MKLN1: variants seen among roughly 807,000 people sequenced by gnomAD.
The protein encoded by MKLN1 is muskelin.
Under a neutral mutation model 99.0 loss-of-function variants are expected in MKLN1, and 18 were observed. The observed-to-expected ratio is 0.18, with a 90% CI of 0.13 to 0.27. The LOEUF is 0.27. MKLN1 is among the 10% of genes least tolerant of loss of function. The probability of loss-of-function intolerance (pLI) is 1.00; values close to 1 mark genes in which losing one functional copy is unlikely to be tolerated. For missense variants in MKLN1, 621 were observed against 875.9 expected (o/e 0.71, Z 3.67); for synonymous variants, 288 against 293.2 (o/e 0.98, Z 0.18).
chr7:131,118,562 AAAAAG>A (rs1002609245), intron 1 of MKLN1, among the ~76,000 whole-genome samples: 12 of 152,180 alleles, frequency 7.9e-5, no homozygotes, highest in African/African-American at 1.7e-4. Flanking sequence ...TCAAAAAAAA[AAAAAG>A]AAAGAAAGAA....
chr7:131,328,612 A>G (rs186461165), intron 1 of MKLN1, among the ~76,000 whole-genome samples: 1 of 152,284 alleles, frequency 6.6e-6, no homozygotes, highest in African/African-American at 2.4e-5. Context: ...AAGTTCTGAA[A>G]AAGATAGGGA....
intron 1 of MKLN1, among the ~76,000 whole-genome samples, chr7:131,355,312 G>C (rs1438173134): frequency 2.6e-5 from 4 of 151,874 alleles, no homozygotes; most frequent in Admixed American, 2.6e-4. Context: ...TTTGTTGTAT[G>C]GTCATAGGGA....
At position 131,414,660 on chromosome 7, in the gene MKLN1, A is replaced by T. The variant is rs150896324; in HGVS notation, c.797A>T (p.Asn266Ile). 6.7e-5 allele frequency: 108 copies of T among 1,608,884 alleles called. 1 individual carries two copies. In the African/African-American group the frequency reaches 1.4e-3, roughly 20 times the overall value. ...TCTTCTAAAGGTGATGGGGAAGATA[A>T]CCGTCCAGGAATGAGAGGAGGCCAT... ...PKSTKGDGEDNRPGMRGGHQM... is the reference protein window; with the variant it reads ...PKSTKGDGEDIRPGMRGGHQM... The change falls in exon 8 of 18, where the codon AAC (asparagine) becomes ATC (isoleucine). Residue 266 changes from asparagine to isoleucine, a missense_variant. Asn to Ile is a moderately radical substitution (Grantham distance 149). Coordinates refer to ENST00000352689, the MANE Select transcript of MKLN1 (RefSeq NM_013255.5).
chr7:131,427,968 A>G (rs770443001), intron 8 of MKLN1, among the ~76,000 whole-genome samples: 13 of 152,016 alleles, frequency 8.6e-5, no homozygotes, highest in Admixed American at 4.6e-4. Context: ...GTTCAATACC[A>G]TCCTGGACAA....
intron 3 of MKLN1, among the ~76,000 whole-genome samples, chr7:131,277,216 A>G (rs1206882495): frequency 6.6e-6 from 1 of 152,188 alleles, no homozygotes; most frequent in Non-Finnish European, 1.5e-5. Context: ...TAGAAGAAAG[A>G]AAACCTAATG....
chr7:131,345,438 C>T (rs1265077306), intron 1 of MKLN1, among the ~76,000 whole-genome samples: 1 of 152,200 alleles, frequency 6.6e-6, no homozygotes, highest in Non-Finnish European at 1.5e-5. Flanking sequence ...GATTCTCAAA[C>T]TGTAGTAACA....
At chr7:131,225,911 A>G (rs1417806390) in intron 3 of MKLN1, among the ~76,000 whole-genome samples, 30 of 152,192 alleles carry the variant, frequency 2.0e-4, no homozygotes, top group Admixed American at 2.0e-3. Context: ...GAGGAGCTAG[A>G]GCAGTCAGCT....
At chr7:131,215,671 G>T (rs1203239426) in intron 3 of MKLN1, among the ~76,000 whole-genome samples, 3 of 152,176 alleles carry the variant, frequency 2.0e-5, no homozygotes, top group African/African-American at 7.2e-5. Context: ...CAGATAGTCT[G>T]TATGATATTC....
intron 2 of MKLN1, among the ~76,000 whole-genome samples, chr7:131,185,825 A>C (rs922876225): frequency 6.6e-6 from 1 of 152,138 alleles, no homozygotes; most frequent in African/African-American, 2.4e-5. Context: ...AGATGTAAAG[A>C]GCTTAGAACA....
intron 1 of MKLN1, among the ~76,000 whole-genome samples, chr7:131,135,665 A>G (rs540977777): frequency 2.0e-5 from 3 of 152,164 alleles, no homozygotes; most frequent in Non-Finnish European, 2.9e-5. Context: ...TTGTGCCAAG[A>G]GTCTGCTGAG....
chr7:131,474,980 A>G (rs966632521), intron 16 of MKLN1, among the ~76,000 whole-genome samples: 2 of 152,148 alleles, frequency 1.3e-5, no homozygotes, highest in Non-Finnish European at 2.9e-5. Context: ...AATGCCACAC[A>G]TGTTTAAACC....
intron 2 of MKLN1, among the ~76,000 whole-genome samples, chr7:131,193,122 T>C (rs1228030182): frequency 6.6e-6 from 1 of 152,188 alleles, no homozygotes; most frequent in Non-Finnish European, 1.5e-5. Flanking sequence ...CAGAATTGTT[T>C]AGGGATTTGG....
At chr7:131,229,981 G>T (rs1266191763) in intron 3 of MKLN1, among the ~76,000 whole-genome samples, 2 of 152,100 alleles carry the variant, frequency 1.3e-5, no homozygotes, top group Non-Finnish European at 2.9e-5. Context: ...TATACTTCGG[G>T]GTAAAATATT....
rs117254976 is a variant in MKLN1, at chr7:131,426,198, C to T, written c.848-2835C>T. ...GTTTTCTTTGCTGTGAGAATTTATG[C>T]GTACAAAGAGACCTGCTTTTCAGAA... On this transcript the variant is annotated intron_variant, in intron 8 of 17. Transcript: ENST00000352689. Among the ~76,000 whole-genome samples the T allele has an allele frequency of 6.8e-4, 104 of 152,202 alleles. 1 individual carries two copies. In the East Asian group the frequency reaches 0.017, roughly 25 times the overall value.
intron 3 of MKLN1, among the ~76,000 whole-genome samples, chr7:131,225,557 T>C (rs1485639257): frequency 6.6e-6 from 1 of 152,118 alleles, no homozygotes; most frequent in Non-Finnish European, 1.5e-5. Context: ...GATAAAAACA[T>C]TCACTTTGGA....
At chr7:131,177,589 T>A (rs1320971992) in intron 2 of MKLN1, among the ~76,000 whole-genome samples, 1 of 152,200 alleles carries the variant, frequency 6.6e-6, no homozygotes, top group Non-Finnish European at 1.5e-5. Flanking sequence ...TCTGATGATA[T>A]CATTATAGTT....
intron 12 of MKLN1, among the ~76,000 whole-genome samples, chr7:131,461,676 A>T (rs2116602592): frequency 6.6e-6 from 1 of 152,302 alleles, no homozygotes; most frequent in East Asian, 1.9e-4. Context: ...TTCTAGGTTG[A>T]CGTAAATATT....
chr7:131,192,296 TA>T (rs1266539131), intron 2 of MKLN1, among the ~76,000 whole-genome samples: 2 of 75,336 alleles, frequency 2.7e-5, no homozygotes, highest in African/African-American at 1.2e-4. Flanking sequence ...ATATATACAA[TA>T]TATAAATATA....
At chr7:131,351,363 A>C (rs1799715079) in intron 1 of MKLN1, among the ~76,000 whole-genome samples, 1 of 152,198 alleles carries the variant, frequency 6.6e-6, no homozygotes, top group Non-Finnish European at 1.5e-5. Flanking sequence ...CCCCTATTCT[A>C]GATATGTTCA....
Sources: gnomAD v4.1 joint callset for allele counts (sites outside exome capture counted in the v4.1 genomes callset) on GRCh38, gnomAD v4.1.1 for gene constraint, MANE v1.5 for transcripts, NCBI Gene and HGNC (gene_info 2026-07-23, HGNC 2026-07-21) for gene names.